The following MACROD2 variants were observed in gnomAD, a reference collection of about 807,000 sequenced individuals.
The protein encoded by MACROD2 is ADP-ribose glycohydrolase MACROD2.
MACROD2 carries 36 observed loss-of-function variants against 70.4 expected under a neutral mutation model. That is an observed-to-expected ratio of 0.51 (90% CI 0.39 to 0.68). The LOEUF (loss-of-function observed/expected upper bound fraction) is 0.68, where lower values mean the gene tolerates loss of function less well. MACROD2 is among the 30% of genes least tolerant of loss of function. MACROD2 has a pLI of 0.00. For missense variants in MACROD2, 496 were observed against 538.4 expected (o/e 0.92, Z 0.78); for synonymous variants, 172 against 178.8 (o/e 0.96, Z 0.30).
intron 15 of MACROD2, among the ~76,000 whole-genome samples, chr20:16,023,670 AG>A (rs1005378046): frequency 2.6e-5 from 4 of 151,994 alleles, no homozygotes; most frequent in African/African-American, 9.7e-5. Flanking sequence ...CATTGTTAGC[AG>A]TTGGGACTCA....
chr20:14,600,343 TACACACAC>T (rs1042255013), intron 4 of MACROD2, among the ~76,000 whole-genome samples: 13 of 130,196 alleles, frequency 1.0e-4, no homozygotes, highest in Non-Finnish European at 1.6e-4. Flanking sequence ...TATATATATA[TACACACAC>T]ACACACACAC....
Position 14,586,640 on chromosome 20 carries a change from C to G in MACROD2, c.301+93132C>G, listed in dbSNP as rs2224293. ...AACATTTTGAATTCCTCAGAATACCCTTAATTGGCACAGTTTTGTTCTTTA... is the reference window on the plus strand; with the variant it reads ...AACATTTTGAATTCCTCAGAATACCGTTAATTGGCACAGTTTTGTTCTTTA... On this transcript the variant is annotated intron_variant, in intron 4 of 17. Transcript: ENST00000684519. Among the ~76,000 whole-genome samples the G allele has an allele frequency of 2.0e-5, 3 of 152,146 alleles. No individual in the cohort carries two copies. In the East Asian group the frequency reaches 5.8e-4, roughly 29 times the overall value.
chr20:14,879,777 A>T (rs1384814675), intron 5 of MACROD2, among the ~76,000 whole-genome samples: 1 of 152,196 alleles, frequency 6.6e-6, no homozygotes, highest in Non-Finnish European at 1.5e-5. Flanking sequence ...TTAGTGCTTT[A>T]AAAGAGCATA....
intron 7 of MACROD2, among the ~76,000 whole-genome samples, chr20:15,431,841 C>T (rs2046367266): frequency 6.6e-6 from 1 of 151,834 alleles, no homozygotes; most frequent in Non-Finnish European, 1.5e-5. Context: ...CATACATATG[C>T]ATATATCTGT....
chr20:14,256,583 C>A (rs1276157824), intron 3 of MACROD2, among the ~76,000 whole-genome samples: 1 of 152,100 alleles, frequency 6.6e-6, no homozygotes, highest in East Asian at 1.9e-4. Flanking sequence ...TACCTTAATG[C>A]CATCAAAACT....
At chr20:14,837,457 T>G (rs114862398) in intron 5 of MACROD2, among the ~76,000 whole-genome samples, 1 of 152,178 alleles carries the variant, frequency 6.6e-6, no homozygotes, top group African/African-American at 2.4e-5. Flanking sequence ...TTTAACCAAT[T>G]GGAGTATGAA....
chr20:15,720,043 A>G (rs189834219), intron 8 of MACROD2, among the ~76,000 whole-genome samples: 81 of 152,274 alleles, frequency 5.3e-4, no homozygotes, highest in African/African-American at 1.8e-3. Flanking sequence ...TGAATGAGAA[A>G]ATGTTGTATC....
intron 3 of MACROD2, among the ~76,000 whole-genome samples, chr20:14,226,465 G>C (rs575864619): frequency 6.6e-6 from 1 of 152,282 alleles, no homozygotes; most frequent in Admixed American, 6.5e-5. Flanking sequence ...TTCTGGGCTG[G>C]CCAAGACTGG....
At position 16,050,096 on chromosome 20, in the gene MACROD2, C is replaced by T; in HGVS notation, c.*220C>T. ...TTTCCTTTAATTTGGTGGAGGGACC[C>T]ATGTTGACGCATCTTTCAGGCATTA... On this transcript the variant is annotated 3_prime_UTR_variant, in exon 18 of 18. Coordinates refer to ENST00000684519, the MANE Select transcript of MACROD2 (RefSeq NM_001351661.2). 2.3e-6 allele frequency: 1 copy of T among 436,212 alleles called. No individual in the cohort carries two copies. The highest frequency in any genetic ancestry group is 4.2e-6 in the Non-Finnish European group (1 of 240,566). The allele number at this position is 436,212 out of a possible 1,614,324, so 27.0% of individuals were successfully genotyped here. A position where few individuals can be genotyped will look rare whatever the true frequency, so the allele number is the denominator to read the frequency against.
intron 8 of MACROD2, among the ~76,000 whole-genome samples, chr20:15,771,887 AT>A (rs11310653): frequency 0.23 from 33,737 of 149,408 alleles, 4,682 homozygotes; most frequent in African/African-American, 0.4. Flanking sequence ...GATCAAGACC[AT>A]CCTTGGCTAA....
At chr20:15,578,581 T>TGTGTACAGTATAACAACAAGAAA (rs1230218731) in intron 8 of MACROD2, among the ~76,000 whole-genome samples, 42 of 22,646 alleles carry the variant, frequency 1.9e-3, no homozygotes, top group African/African-American at 2.2e-3. Context: ...AGATTCCATT[T>TGTGTACAGTATAACAACAAGAAA]ATGTACAGTA....
chr20:15,649,785 G>A (rs2146793253), intron 8 of MACROD2, among the ~76,000 whole-genome samples: 1 of 152,198 alleles, frequency 6.6e-6, no homozygotes, highest in South Asian at 2.1e-4. Context: ...AAAAAAATCT[G>A]GGTGTGTATT....
chr20:14,819,622 G>A (rs1439372349), intron 5 of MACROD2, among the ~76,000 whole-genome samples: 2 of 151,956 alleles, frequency 1.3e-5, no homozygotes, highest in Non-Finnish European at 2.9e-5. Context: ...GGGAAATTCA[G>A]TTGATAAGAG....
At chr20:14,893,786 T>TTTAC (rs1167586644) in intron 5 of MACROD2, 1 of 152,100 alleles carries the variant, frequency 6.6e-6, no homozygotes, top group Non-Finnish European at 1.5e-5. Context: ...CCTTTTATCT[T>TTTAC]TTATTTATTT....
chr20:15,004,845 A>G (rs1375013064), intron 5 of MACROD2, among the ~76,000 whole-genome samples: 3 of 152,224 alleles, frequency 2.0e-5, no homozygotes, highest in Non-Finnish European at 4.4e-5. Flanking sequence ...GAATGTCCTT[A>G]TAAGCATTCA....
At chr20:14,161,479 C>T (rs2055187976) in intron 3 of MACROD2, among the ~76,000 whole-genome samples, 1 of 151,838 alleles carries the variant, frequency 6.6e-6, no homozygotes, top group Non-Finnish European at 1.5e-5. Context: ...AGCCACTGCG[C>T]CCGGCCAATT....
At chr20:15,785,378 C>G (rs535872016) in intron 8 of MACROD2, among the ~76,000 whole-genome samples, 1 of 152,226 alleles carries the variant, frequency 6.6e-6, no homozygotes, top group Admixed American at 6.5e-5. Context: ...CTCCTGCCGT[C>G]TTGATTCTCT....
At chr20:14,978,431 G>A (rs1036995702) in intron 5 of MACROD2, among the ~76,000 whole-genome samples, 2 of 135,022 alleles carry the variant, frequency 1.5e-5, no homozygotes, top group Non-Finnish European at 3.0e-5. Flanking sequence ...ATTGTTATCA[G>A]TAACCACTAA....
At chr20:14,038,290 C>A (rs1236472858) in intron 2 of MACROD2, among the ~76,000 whole-genome samples, 2 of 131,332 alleles carry the variant, frequency 1.5e-5, no homozygotes, top group African/African-American at 5.2e-5. Flanking sequence ...TGAGAGACTC[C>A]GTCTCAAAAA....
Sources: allele counts gnomAD v4.1 joint callset (sites outside exome capture counted in the v4.1 genomes callset), GRCh38; gene constraint gnomAD v4.1.1; transcripts MANE v1.5; gene names NCBI Gene and HGNC (gene_info 2026-07-23, HGNC 2026-07-21).